Variants in TOP2A observed in about 807,000 individuals in gnomAD.
The protein encoded by TOP2A is DNA topoisomerase 2-alpha.
A neutral mutation model predicts 187.2 loss-of-function variants in TOP2A; 68 were observed. The ratio of observed to expected loss-of-function variants is 0.36; its 90% CI spans 0.30 to 0.44. The LOEUF is 0.44. TOP2A is among the 20% of genes least tolerant of loss of function. The pLI is 1.00. For synonymous variants in TOP2A, 542 were observed against 593.2 expected, an observed-to-expected ratio of 0.91 and a Z score of 1.25; for missense variants, 1,196 against 1,808.7, an observed-to-expected ratio of 0.66 and a Z score of 6.14.
In TOP2A at chr17:40,399,238, C is replaced by T. The variant is rs1006242259; in HGVS notation, c.3197-107G>A. ...TTAAAACTGGAAATTAAACTGTCTT[C>T]GTGCTTGCATAAATTTGTATATCCC... On this transcript the variant is annotated intron_variant, in intron 24 of 34. Coordinates refer to ENST00000423485, the MANE Select transcript of TOP2A (RefSeq NM_001067.4). The T allele has an allele frequency of 6.3e-6, 5 of 792,478 alleles. No individual in the cohort carries two copies. In the African/African-American group the frequency reaches 7.0e-5, roughly 11 times the overall value. 49.1% of individuals were successfully genotyped at this position (792,478 alleles called of 1,614,324 possible).
At position 40,404,486 on chromosome 17, in the gene TOP2A, G is replaced by C; in HGVS notation, c.2052C>G (p.Tyr684Ter). The change falls in exon 18 of 35, where the codon TAC becomes TAG. Residue 684 changes from tyrosine to a stop codon, truncating the protein, a stop_gained. Coordinates refer to ENST00000423485, the MANE Select transcript of TOP2A (RefSeq NM_001067.4). LOFTEE classifies it high-confidence loss of function. ...GATATGTGGTAGTTTGTCCATACAA[G>C]TAATCCTGAAGGACCAAATAGTATT... ...QRKLLGLPED[Y>*]LYGQTTTYLT... 6.3e-7 allele frequency: 1 copy of C among 1,586,302 alleles called. No homozygotes were observed. The highest frequency in any genetic ancestry group is 8.6e-7 in the Non-Finnish European group (1 of 1,156,958).
At chr17:40,403,097 T>C (rs761756622) in intron 19 of TOP2A, 43 bp from the exon 20 acceptor site, 2 of 1,537,126 alleles carry the variant, frequency 1.3e-6, no homozygotes, top group South Asian at 1.2e-5. Flanking sequence ...CTTTTACTAA[T>C]ACAAATACAT....
intron 19 of TOP2A, 53 bp downstream of exon 19, chr17:40,404,097 ACT>A (rs2035211924): frequency 1.3e-6 from 2 of 1,594,492 alleles, no homozygotes; most frequent in Admixed American, 1.8e-5. Flanking sequence ...TTTGAGAATG[ACT>A]CTGCAGGGAT....
intron 4 of TOP2A, 69 bp from the exon 5 acceptor site, chr17:40,413,694 T>C (rs1467072939): frequency 6.4e-6 from 5 of 782,202 alleles, no homozygotes; most frequent in Non-Finnish European, 9.5e-6. Context: ...TAAAAATATT[T>C]AAATACTATT....
At position 40,416,139 on chromosome 17, in the gene TOP2A, A is replaced by G. The variant is rs2035387582; in HGVS notation, c.269-71T>C. ...GAAACATTCTGTAACTCTAAGTAAG[A>G]TATAGAAAAAAAAGTTCCCAAACAG... is the stretch of plus-strand genomic sequence containing the variant. On this transcript the variant is annotated intron_variant, in intron 3 of 34. Transcript: ENST00000423485. 3 of 1,256,324 alleles carry G rather than the reference A, an allele frequency of 2.4e-6. No individual in the cohort carries two copies. The Admixed American group carries it at 6.3e-5, about 26-fold the overall frequency. The allele number at this position is 1,256,324 out of a possible 1,614,324, so 77.8% of individuals were successfully genotyped here.
At chr17:40,394,236 GTGGCAAA>G (rs1474480576) in intron 29 of TOP2A, among the ~76,000 whole-genome samples, 1 of 152,118 alleles carries the variant, frequency 6.6e-6, no homozygotes, top group African/African-American at 2.4e-5. Flanking sequence ...AGAGGAGTTG[GTGGCAAA>G]TGGCAAATGA....
intron 19 of TOP2A, 118 bp from the exon 20 acceptor site, chr17:40,403,172 C>T: frequency 1.0e-6 from 1 of 972,212 alleles, no homozygotes; most frequent in Admixed American, 2.9e-5. Context: ...TGACTTTCCT[C>T]AGATTAATAG....
At position 40,392,228 on chromosome 17, in the gene TOP2A, T is replaced by G; in HGVS notation, c.4078A>C (p.Thr1360Pro). The G allele has an allele frequency of 6.2e-7, 1 of 1,613,012 alleles. No homozygotes were observed. Among genetic ancestry groups the G allele is most frequent in the Non-Finnish European group, 8.5e-7 (1 of 1,179,572 alleles). Reference protein sequence around the residue: ...PSDASPPKTKTSPKLSNKELK... With the variant: ...PSDASPPKTKPSPKLSNKELK... ...AGATAAGATACTTGCTTTGGGGAAGTTTTGGTCTTAGGTGGACTAGCATCT... is the reference window on the plus strand; with the variant it reads ...AGATAAGATACTTGCTTTGGGGAAGGTTTGGTCTTAGGTGGACTAGCATCT... Residue 1360 changes from threonine (T) to proline (P), a missense_variant, in exon 31 of 35, where the codon ACT (threonine) becomes CCT (proline). This residue lies in a region of TOP2A where 374 missense variants were observed against 403.3 expected (regional missense o/e 0.93). Transcript: ENST00000423485.
chr17:40,399,233 G>A, intron 24 of TOP2A, 102 bp from the exon 25 acceptor site: 1 of 821,912 alleles, frequency 1.2e-6, no homozygotes, highest in Non-Finnish European at 1.9e-6. Flanking sequence ...AAATTAAACT[G>A]TCTTCGTGCT....
chr17:40,404,718 T>G, intron 17 of TOP2A, 73 bp downstream of exon 17: 1 of 1,016,676 alleles, frequency 9.8e-7, no homozygotes, highest in Non-Finnish European at 1.5e-6. Context: ...TCAGTAAGTT[T>G]AATTTGCTAT....
In TOP2A at chr17:40,389,064, A is replaced by G. The variant is rs550359452; in HGVS notation, c.*455T>C. ...TACTAGAACCATAAAGTTCTATCTG[A>G]TGGTAAATTATGTATAAAACTAAGA... On this transcript the variant is annotated 3_prime_UTR_variant, in exon 35 of 35. Coordinates refer to ENST00000423485, the MANE Select transcript of TOP2A (RefSeq NM_001067.4). 1 of 218,336 alleles carries G rather than the reference A, an allele frequency of 4.6e-6. No individual in the cohort carries two copies. Among genetic ancestry groups the G allele is most frequent in the Non-Finnish European group, 9.3e-6 (1 of 107,908 alleles). The allele number at this position is 218,336 out of a possible 1,614,324, so 13.5% of individuals were successfully genotyped here. A position where few individuals can be genotyped will look rare whatever the true frequency, so the allele number is the denominator to read the frequency against.
rs1380498760 is a variant in TOP2A at position 40,404,829 on chromosome 17, C to T, written c.2008G>A (p.Glu670Lys). The change falls in exon 17 of 35, where the codon GAG (glutamate) becomes AAG (lysine). Residue 670 changes from glutamate (E) to lysine (K), a missense_variant. Around this residue, in one of 10 missense-constraint regions of TOP2A, gnomAD observed 209 missense variants for 376.9 expected, o/e 0.55. Transcript: ENST00000423485. ...DRKEWLTNFM[E>K]DRRQRKLLGL... ...AGTAACTTTCGTTGTCTTCTATCCT[C>T]CATGAAATTAGTTAACCATTCCTTT... The T allele has an allele frequency of 6.2e-7, 1 of 1,604,674 alleles. No individual in the cohort carries two copies. The highest frequency in any genetic ancestry group is 8.5e-7 in the Non-Finnish European group (1 of 1,175,132).
chr17:40,415,171 C>T (rs2035375238), intron 4 of TOP2A, among the ~76,000 whole-genome samples: 1 of 151,686 alleles, frequency 6.6e-6, no homozygotes, highest in Non-Finnish European at 1.5e-5. Context: ...TCTCCTGCCT[C>T]AGCCTCTCGA....
chr17:40,412,664 A>G lies in TOP2A; in HGVS notation c.789+95T>C. 3 of 1,041,848 alleles carry G rather than the reference A, an allele frequency of 2.9e-6. No homozygotes were observed. The East Asian group carries it at 7.7e-5, about 27-fold the overall frequency. The allele number at this position is 1,041,848 out of a possible 1,614,324, so 64.5% of individuals were successfully genotyped here. On this transcript the variant is annotated intron_variant, in intron 7 of 34. Transcript: ENST00000423485. ...GTCTCAAACAAACAAACAAACAAACAAACAAAAACATATGGGAGGGGAAAA... is the reference window on the plus strand; with the variant it reads ...GTCTCAAACAAACAAACAAACAAACGAACAAAAACATATGGGAGGGGAAAA...
At position 40,411,580 on chromosome 17, in the gene TOP2A, T is replaced by G; in HGVS notation, c.963+65A>C. The G allele has an allele frequency of 6.4e-7, 1 of 1,566,314 alleles. No individual in the cohort carries two copies. The highest frequency in any genetic ancestry group is 8.7e-7 in the Non-Finnish European group (1 of 1,144,210). On this transcript the variant is annotated intron_variant, in intron 8 of 34. Coordinates refer to ENST00000423485, the MANE Select transcript of TOP2A (RefSeq NM_001067.4). This position sits in a 1 kb window ranked among gnomAD's most constrained non-coding sequence, Gnocchi z 4.4. The stretch of plus-strand genomic sequence containing the variant: ...CAATATTCAAGTCCACTTTATATAT[T>G]AAAAACAATAAGAACACATATATGT...
intron 10 of TOP2A, among the ~76,000 whole-genome samples, chr17:40,410,441 T>C (rs547118500): frequency 1.3e-5 from 2 of 152,302 alleles, no homozygotes; most frequent in South Asian, 2.1e-4. Flanking sequence ...ATTATGGAAT[T>C]TGGACTTTCC....
chr17:40,390,910 C>T (rs2143618515), intron 33 of TOP2A, among the ~76,000 whole-genome samples: 1 of 152,324 alleles, frequency 6.6e-6, no homozygotes, highest in South Asian at 2.1e-4. Flanking sequence ...CAGGCATGAG[C>T]CACTGCACCC....
In TOP2A at chr17:40,389,575, G is replaced by A. The variant is rs375623549; in HGVS notation, c.4540C>T (p.Arg1514Trp). The stretch of plus-strand genomic sequence containing the variant: ...AGGTACTTTATAGGTTTCTTTGCCC[G>A]TACAGATTTTGCCCGAGGAGCCACA... ...SAVAPRAKSV[R>W]AKKPIKYLEE... The change falls in exon 35 of 35, where the codon CGG (arginine) becomes TGG (tryptophan). Residue 1514 changes from arginine to tryptophan, a missense_variant. Physicochemically the swap from Arg to Trp is moderately radical, Grantham distance 101. Coordinates refer to ENST00000423485, the MANE Select transcript of TOP2A (RefSeq NM_001067.4). 8.1e-6 allele frequency: 13 copies of A among 1,603,614 alleles called. No homozygotes were observed. Among genetic ancestry groups the A allele is most frequent in the East Asian group, 4.5e-5 (2 of 44,682 alleles).
intron 4 of TOP2A, among the ~76,000 whole-genome samples, chr17:40,414,657 C>T (rs1243095432): frequency 6.6e-6 from 1 of 151,900 alleles, no homozygotes; most frequent in East Asian, 1.9e-4. Flanking sequence ...AGTTCGAGAC[C>T]AGCCTGACCA....
Sources: allele counts gnomAD v4.1 joint callset (sites outside exome capture counted in the v4.1 genomes callset), GRCh38; gene constraint gnomAD v4.1.1; regional missense constraint gnomAD v4.1.1; non-coding constraint Gnocchi (gnomAD v3.1); transcripts MANE v1.5; gene names NCBI Gene and HGNC (gene_info 2026-07-23, HGNC 2026-07-21).